Variants in AGTRAP observed in about 807,000 individuals in gnomAD.
AGTRAP encodes angiotensin II receptor associated protein.
A neutral mutation model predicts 15.2 loss-of-function variants in AGTRAP; 7 were observed. The observed-to-expected ratio is 0.46, with a 90% confidence interval of 0.26 to 0.87. The LOEUF is 0.87. Among genes scored for constraint, AGTRAP ranks in the 40% least tolerant of loss-of-function variants. The pLI is 0.15. For missense variants in AGTRAP, 187 were observed against 213.4 expected (o/e 0.88, Z 0.77); for synonymous variants, 74 against 89.6 (o/e 0.83, Z 0.98).
At chr1:11,742,790 A>G (rs1426768868) in intron 1 of AGTRAP, among the ~76,000 whole-genome samples, 4 of 152,018 alleles carry the variant, frequency 2.6e-5, no homozygotes, top group Non-Finnish European at 5.9e-5. Flanking sequence ...TCCACCTCCT[A>G]AAGTGTTGGG....
chr1:11,748,644 C>T, intron 4 of AGTRAP, 34 bp downstream of exon 4: 2 of 1,581,994 alleles, frequency 1.3e-6, no homozygotes, highest in Middle Eastern at 3.4e-4. Context: ...CTCCTCACCG[C>T]TCCCTTCTCT....
In AGTRAP at chr1:11,736,187, G is replaced by T; in HGVS notation, c.-22G>T. 1 of 1,600,042 alleles carries T rather than the reference G, an allele frequency of 6.2e-7. No homozygotes were observed. The highest frequency in any genetic ancestry group is 8.5e-7 in the Non-Finnish European group (1 of 1,174,518). The stretch of plus-strand genomic sequence containing the variant: ...AGGAGCCCCCCGCGGCTGCGGCGCA[G>T]GTGCCCTCGGCCTGAGTCGGGATGG... On this transcript the variant is annotated 5_prime_UTR_variant, in exon 1 of 5. It adds an upstream start codon to the 5' untranslated region. Coordinates refer to ENST00000314340, the MANE Select transcript of AGTRAP (RefSeq NM_020350.5).
At chr1:11,743,588 C>T (rs1274912176) in intron 1 of AGTRAP, among the ~76,000 whole-genome samples, 2 of 129,854 alleles carry the variant, frequency 1.5e-5, no homozygotes, top group East Asian at 2.5e-4. Context: ...TTTTTTGAGG[C>T]GGAGGTTTGT....
At chr1:11,744,498 G>T (rs773217871) in intron 1 of AGTRAP, 17 of 713,808 alleles carry the variant, frequency 2.4e-5, no homozygotes, top group Admixed American at 4.0e-5. Flanking sequence ...GCTCTCTCCA[G>T]CCACAACAGC....
intron 4 of AGTRAP, 52 bp downstream of exon 4, chr1:11,748,662 C>G (rs1642235477): frequency 6.4e-7 from 1 of 1,568,696 alleles, no homozygotes; most frequent in African/African-American, 1.3e-5. Flanking sequence ...TCTCCCTTGC[C>G]TGGCCTCCAG....
At chr1:11,740,035 G>C (rs1365849833) in intron 1 of AGTRAP, among the ~76,000 whole-genome samples, 1 of 152,186 alleles carries the variant, frequency 6.6e-6, no homozygotes. Flanking sequence ...CCTCCCCTGG[G>C]CTGAGCACTG....
rs895638106 is a variant in AGTRAP, at chr1:11,745,541, C to A, written c.28-262C>A. On this transcript the variant is annotated intron_variant, in intron 1 of 4. Coordinates refer to ENST00000314340, the MANE Select transcript of AGTRAP (RefSeq NM_020350.5). This position sits in a 1 kb window ranked among gnomAD's most constrained non-coding sequence, Gnocchi z 4.2. The stretch of plus-strand genomic sequence containing the variant: ...ATTGCTCTGGTTCATACGCCTCTGA[C>A]GCTTGGAAGGGGTGTGGGTGTCAGC... 6.6e-6 allele frequency among the ~76,000 whole-genome samples: 1 copy of A among 152,154 alleles called. No individual in the cohort carries two copies.
At chr1:11,748,956 C>T (rs1210558731) in intron 4 of AGTRAP, among the ~76,000 whole-genome samples, 1 of 152,188 alleles carries the variant, frequency 6.6e-6, no homozygotes, top group Non-Finnish European at 1.5e-5. Flanking sequence ...CGGGCACCTA[C>T]AGGTCTCCTC....
chr1:11,737,535 G>C (rs1399947012), intron 1 of AGTRAP, among the ~76,000 whole-genome samples: 1 of 152,200 alleles, frequency 6.6e-6, no homozygotes, highest in East Asian at 1.9e-4. Flanking sequence ...TGAGAAAGCT[G>C]ATATGGTCAT....
chr1:11,748,742 G>T (rs1642238052), intron 4 of AGTRAP, 132 bp downstream of exon 4: 1 of 1,091,484 alleles, frequency 9.2e-7, no homozygotes, highest in East Asian at 2.6e-5. Context: ...CGTGGCATGG[G>T]CGCTCTGTAC....
chr1:11,742,430 T>G (rs1370720441), intron 1 of AGTRAP, among the ~76,000 whole-genome samples: 1 of 145,350 alleles, frequency 6.9e-6, no homozygotes, highest in African/African-American at 2.4e-5. Flanking sequence ...TTCCCTTCTT[T>G]CCCTTCCTTC....
At chr1:11,740,141 C>G (rs559992676) in intron 1 of AGTRAP, among the ~76,000 whole-genome samples, 34 of 152,350 alleles carry the variant, frequency 2.2e-4, no homozygotes, top group Middle Eastern at 3.4e-3. Context: ...TCCCTGCTTC[C>G]AGCTCCTCTT....
chr1:11,750,595 G>A lies in AGTRAP; in HGVS notation c.*403G>A. The stretch of plus-strand genomic sequence containing the variant: ...GGAAGCCCTGAGAGCTTCAGGTCCT[G>A]CTCAGCCCGAGGAGCAGTCTGGCAT... On this transcript the variant is annotated 3_prime_UTR_variant, in exon 5 of 5. Transcript: ENST00000314340. The A allele has an allele frequency of 2.2e-6, 1 of 450,686 alleles. No homozygotes were observed. The allele number at this position is 450,686 out of a possible 1,614,324, so 27.9% of individuals were successfully genotyped here.
At position 11,745,599 on chromosome 1, in the gene AGTRAP, C is replaced by A. The variant is rs17875935; in HGVS notation, c.28-204C>A. On this transcript the variant is annotated intron_variant, in intron 1 of 4. Coordinates refer to ENST00000314340, the MANE Select transcript of AGTRAP (RefSeq NM_020350.5). This position sits in a 1 kb window ranked among gnomAD's most constrained non-coding sequence, Gnocchi z 4.2. ...TGGGAGGGGTGAAGGCATGAAGCGG[C>A]CCCTCCCTGGCCTGGCCTGCTTTCT... Among the ~76,000 whole-genome samples the A allele has an allele frequency of 2.6e-5, 4 of 152,186 alleles. No homozygotes were observed. Among genetic ancestry groups the A allele is most frequent in the African/African-American group, 9.7e-5 (4 of 41,434 alleles).
In AGTRAP at chr1:11,745,688, AG is replaced by A. The variant is rs1642143881; in HGVS notation, c.28-113del. ...TGTGCCTTTTCAACAGACATTACTG[AG>A]GCCCTCAGAGGTGCCAGGCGCAGGG... On this transcript the variant is annotated intron_variant, in intron 1 of 4. Coordinates refer to ENST00000314340, the MANE Select transcript of AGTRAP (RefSeq NM_020350.5). The surrounding 1 kb of genome is among the most constrained non-coding windows in gnomAD (Gnocchi z 4.2). 9.3e-7 allele frequency: 1 copy of A among 1,078,354 alleles called. No individual in the cohort carries two copies. Among genetic ancestry groups the A allele is most frequent in the Non-Finnish European group, 1.4e-6 (1 of 697,186 alleles). 66.8% of individuals were successfully genotyped at this position (1,078,354 alleles called of 1,614,324 possible).
intron 1 of AGTRAP, among the ~76,000 whole-genome samples, chr1:11,737,868 A>G (rs1641938749): frequency 6.6e-6 from 1 of 152,156 alleles, no homozygotes; most frequent in African/African-American, 2.4e-5. Flanking sequence ...CCAGTCTCCA[A>G]GGGTGTTAGC....
In AGTRAP at chr1:11,750,316, C is replaced by T. The variant is rs569603637; in HGVS notation, c.*124C>T. On this transcript the variant is annotated 3_prime_UTR_variant, in exon 5 of 5. Coordinates refer to ENST00000314340, the MANE Select transcript of AGTRAP (RefSeq NM_020350.5). ...GAATGTGTCCCCAGCTCAGGGATTGCCTGAACCAAGAGGCCAGGAGCCCCC... is the reference window on the plus strand; with the variant it reads ...GAATGTGTCCCCAGCTCAGGGATTGTCTGAACCAAGAGGCCAGGAGCCCCC... The T allele has an allele frequency of 2.2e-4, 208 of 924,522 alleles. No homozygotes were observed. The African/African-American group carries it at 3.2e-3, about 14-fold the overall frequency. The allele number at this position is 924,522 out of a possible 1,614,324, so 57.3% of individuals were successfully genotyped here.
At chr1:11,741,081 A>C (rs1216090906) in intron 1 of AGTRAP, among the ~76,000 whole-genome samples, 39 of 111,920 alleles carry the variant, frequency 3.5e-4, no homozygotes, top group East Asian at 6.9e-4. Context: ...TCCCTCCTCC[A>C]CTCCCCTCAC....
intron 1 of AGTRAP, among the ~76,000 whole-genome samples, chr1:11,743,630 G>A (rs1228677686): frequency 2.1e-5 from 3 of 145,658 alleles, no homozygotes; most frequent in Non-Finnish European, 4.5e-5. Flanking sequence ...ACAATGGCGC[G>A]ATCTCGGCCC....
Sources: gnomAD v4.1 joint callset for allele counts (sites outside exome capture counted in the v4.1 genomes callset) on GRCh38, gnomAD v4.1.1 for gene constraint, Gnocchi (gnomAD v3.1) non-coding constraint, MANE v1.5 for transcripts, NCBI Gene and HGNC (gene_info 2026-07-23, HGNC 2026-07-21) for gene names.